SLC2A13: variants seen among roughly 807,000 people sequenced by gnomAD.
SLC2A13 encodes proton myo-inositol cotransporter.
Under a neutral mutation model 64.4 loss-of-function variants are expected in SLC2A13, and 32 were observed. The observed-to-expected ratio is 0.50, with a 90% confidence interval of 0.37 to 0.67. The LOEUF is 0.67. Ranked by LOEUF, SLC2A13 falls within the 30% of genes least tolerant of loss-of-function variation. The pLI is 0.00. For missense variants in SLC2A13, 743 were observed against 829.2 expected (o/e 0.90, Z 1.28); for synonymous variants, 338 against 327.1 (o/e 1.03, Z -0.36).
At chr12:39,916,780 C>A (rs1945527552) in intron 4 of SLC2A13, among the ~76,000 whole-genome samples, 3 of 151,508 alleles carry the variant, frequency 2.0e-5, no homozygotes, top group South Asian at 2.1e-4. Context: ...TATCTCTTGC[C>A]TTCCAAGTCG....
intron 1 of SLC2A13, among the ~76,000 whole-genome samples, chr12:40,084,179 T>C (rs140681367): frequency 1.3e-5 from 2 of 152,048 alleles, no homozygotes; most frequent in Non-Finnish European, 2.9e-5. Flanking sequence ...TACTAAGATA[T>C]TGTAAAAAAT....
chr12:39,808,047 T>C (rs1420414666), intron 7 of SLC2A13, among the ~76,000 whole-genome samples: 1 of 152,166 alleles, frequency 6.6e-6, no homozygotes, highest in African/African-American at 2.4e-5. Context: ...TTTGACAATG[T>C]ATAAATCCAT....
chr12:40,057,091 G>A (rs1948344330), intron 1 of SLC2A13, among the ~76,000 whole-genome samples: 1 of 152,050 alleles, frequency 6.6e-6, no homozygotes, highest in Non-Finnish European at 1.5e-5. Flanking sequence ...AGTAGCATAA[G>A]GAAGGACTGT....
chr12:39,983,187 T>C (rs1259006736), intron 3 of SLC2A13, among the ~76,000 whole-genome samples: 1 of 151,216 alleles, frequency 6.6e-6, no homozygotes, highest in Non-Finnish European at 1.5e-5. Flanking sequence ...TCAAGATGGA[T>C]TAAAGATTTA....
intron 1 of SLC2A13, among the ~76,000 whole-genome samples, chr12:40,098,986 C>T (rs1177876552): frequency 2.0e-5 from 3 of 152,200 alleles, no homozygotes; most frequent in Non-Finnish European, 4.4e-5. Flanking sequence ...CCAGCTGTCA[C>T]GGTGCTTGGC....
intron 1 of SLC2A13, among the ~76,000 whole-genome samples, chr12:40,078,442 T>A (rs1435427335): frequency 6.6e-6 from 1 of 152,154 alleles, no homozygotes. Flanking sequence ...ATAAATCACA[T>A]AGATTTCCAT....
intron 4 of SLC2A13, among the ~76,000 whole-genome samples, chr12:39,946,626 T>C (rs891428159): frequency 4.6e-5 from 7 of 152,046 alleles, no homozygotes; most frequent in African/African-American, 1.7e-4. Context: ...GTCATGCAGA[T>C]TGTCAGGGAA....
chr12:39,935,016 C>T (rs1945894484), intron 4 of SLC2A13, among the ~76,000 whole-genome samples: 1 of 152,166 alleles, frequency 6.6e-6, no homozygotes, highest in Admixed American at 6.5e-5. Context: ...AGATTTTCAC[C>T]TGCCCTCAGA....
chr12:39,870,188 A>ATAAT (rs1944008442), intron 5 of SLC2A13, among the ~76,000 whole-genome samples: 2 of 152,212 alleles, frequency 1.3e-5, no homozygotes, highest in Non-Finnish European at 2.9e-5. Context: ...GAAGCAATTA[A>ATAAT]GTTCTATTTA....
chr12:40,019,440 G>T (rs948862719), intron 3 of SLC2A13, among the ~76,000 whole-genome samples: 3 of 152,160 alleles, frequency 2.0e-5, no homozygotes, highest in Admixed American at 6.5e-5. Context: ...AGCAGAACAG[G>T]GAGAAGCTGG....
intron 1 of SLC2A13, among the ~76,000 whole-genome samples, chr12:40,060,273 A>T (rs1265455542): frequency 6.6e-6 from 1 of 152,180 alleles, no homozygotes; most frequent in Non-Finnish European, 1.5e-5. Flanking sequence ...CAAAGGGCTG[A>T]CTTTAACTTG....
chr12:39,894,650 T>C (rs553156732), intron 4 of SLC2A13, among the ~76,000 whole-genome samples: 143 of 152,354 alleles, frequency 9.4e-4, no homozygotes, highest in African/African-American at 3.4e-3. Flanking sequence ...TTTGGGCTAA[T>C]GTATATCTTT....
intron 7 of SLC2A13, among the ~76,000 whole-genome samples, chr12:39,824,002 C>A (rs1299748187): frequency 6.6e-6 from 1 of 152,016 alleles, no homozygotes; most frequent in Non-Finnish European, 1.5e-5. Flanking sequence ...AACATCATAT[C>A]CTCTCATTTA....
At chr12:39,904,376 A>G (rs1945212597) in intron 4 of SLC2A13, among the ~76,000 whole-genome samples, 1 of 152,164 alleles carries the variant, frequency 6.6e-6, no homozygotes, top group Non-Finnish European at 1.5e-5. Context: ...ATATCAGTGT[A>G]GGAAACTGTT....
Position 39,809,386 on chromosome 12 carries a change from T to C in SLC2A13, c.1445+20717A>G, listed in dbSNP as rs183984889. On this transcript the variant is annotated intron_variant, in intron 7 of 9. Coordinates refer to ENST00000280871, the MANE Select transcript of SLC2A13 (RefSeq NM_052885.4). ...GAATGTTTTGGCCATTCCAGTTCTTTTGCATTTCTATATAAATTTCAGAAC... is the reference window on the plus strand; with the variant it reads ...GAATGTTTTGGCCATTCCAGTTCTTCTGCATTTCTATATAAATTTCAGAAC... Among the ~76,000 whole-genome samples the C allele has an allele frequency of 2.6e-5, 4 of 152,318 alleles. No individual in the cohort carries two copies. In the East Asian group the frequency reaches 7.7e-4, roughly 29 times the overall value.
In SLC2A13 at chr12:40,069,682, G is replaced by A. The variant is rs187029308; in HGVS notation, c.557-21472C>T. Reference sequence around the variant, plus strand: ...AGGGTGCCTAGTTTCTACAGGAAGCGGTTTCCTTCAATAGCTTTTATTATT... The same window carrying A: ...AGGGTGCCTAGTTTCTACAGGAAGCAGTTTCCTTCAATAGCTTTTATTATT... On this transcript the variant is annotated intron_variant, in intron 1 of 9. Transcript: ENST00000280871. 5.0e-3 allele frequency among the ~76,000 whole-genome samples: 749 copies of A among 151,174 alleles called. 8 individuals carry two copies. Among genetic ancestry groups the A allele is most frequent in the African/African-American group, 0.017 (694 of 41,278 alleles).
At chr12:40,003,356 T>C (rs1947350420) in intron 3 of SLC2A13, among the ~76,000 whole-genome samples, 1 of 152,140 alleles carries the variant, frequency 6.6e-6, no homozygotes, top group African/African-American at 2.4e-5. Context: ...CTTATTAAAA[T>C]TATAACGATT....
At chr12:39,866,571 CG>C (rs1434523531) in intron 5 of SLC2A13, among the ~76,000 whole-genome samples, 2 of 152,120 alleles carry the variant, frequency 1.3e-5, no homozygotes, top group African/African-American at 2.4e-5. Flanking sequence ...CTCCGCCCCC[CG>C]GGGTTCACGC....
chr12:39,933,224 G>A (rs1945861408), intron 4 of SLC2A13, among the ~76,000 whole-genome samples: 1 of 152,156 alleles, frequency 6.6e-6, no homozygotes, highest in Non-Finnish European at 1.5e-5. Flanking sequence ...GCAAGACCCT[G>A]CCTAACAATA....
Sources: gnomAD v4.1 joint callset for allele counts (sites outside exome capture counted in the v4.1 genomes callset) on GRCh38, gnomAD v4.1.1 for gene constraint, MANE v1.5 for transcripts, NCBI Gene and HGNC (gene_info 2026-07-23, HGNC 2026-07-21) for gene names.